ZC3H12B: variants seen among roughly 807,000 people sequenced by gnomAD.
The protein encoded by ZC3H12B is zinc finger CCCH-type containing 12B.
A neutral mutation model predicts 43.9 loss-of-function variants in ZC3H12B; 7 were observed. That is an observed-to-expected ratio of 0.16 (90% CI 0.09 to 0.30). The LOEUF (loss-of-function observed/expected upper bound fraction) is 0.30. Among genes scored for constraint, ZC3H12B ranks in the 10% least tolerant of loss-of-function variants. ZC3H12B has a pLI of 1.00. For synonymous variants in ZC3H12B, 222 were observed against 241.7 expected, an observed-to-expected ratio of 0.92 and a Z score of 0.76; for missense variants, 475 against 670.2, an observed-to-expected ratio of 0.71 and a Z score of 3.22.
At chrX:65,353,543 G>T in the ZC3H12B span, among the ~76,000 whole-genome samples, 4 of 112,114 alleles carry the variant, frequency 3.6e-5, no homozygotes, top group Admixed American at 9.4e-5. Flanking sequence ...GCAAAGGAAA[G>T]ATTTGAATAT....
At chrX:65,253,023 C>A in the ZC3H12B span, among the ~76,000 whole-genome samples, 15 of 112,020 alleles carry the variant, frequency 1.3e-4, no homozygotes, top group East Asian at 4.2e-3. Context: ...ATTTTTGTAG[C>A]AAGAAACTAA....
chrX:65,141,948 T>C, the ZC3H12B span, among the ~76,000 whole-genome samples: 1 of 112,201 alleles, frequency 8.9e-6, no homozygotes, highest in Admixed American at 9.5e-5. Context: ...GTTTTTGCAA[T>C]TGTGAATTGT....
intron 2 of ZC3H12B, among the ~76,000 whole-genome samples, chrX:65,397,507 A>G (rs1162905327): frequency 8.9e-6 from 1 of 111,773 alleles, no homozygotes; most frequent in South Asian, 3.7e-4. Flanking sequence ...TTCTTTAAAA[A>G]TATTGAATAT....
At chrX:65,143,541 C>G in the ZC3H12B span, among the ~76,000 whole-genome samples, 8 of 108,673 alleles carry the variant, frequency 7.4e-5, no homozygotes, top group South Asian at 3.3e-3. Flanking sequence ...GTGTGAAACC[C>G]ACTTGATCAT....
chrX:65,468,650 A>ATTTTTT (rs60716703), intron 3 of ZC3H12B, among the ~76,000 whole-genome samples: 2 of 74,938 alleles, frequency 2.7e-5, no homozygotes, highest in Admixed American at 1.5e-4. Flanking sequence ...TGCCCGGCTA[A>ATTTTTT]TTTTTTTTTT....
the ZC3H12B span, among the ~76,000 whole-genome samples, chrX:65,338,744 C>T: frequency 8.9e-6 from 1 of 112,207 alleles, no homozygotes; most frequent in Non-Finnish European, 1.9e-5. Flanking sequence ...ACCACATAAA[C>T]AGAACTAATA....
At chrX:65,154,073 A>C in the ZC3H12B span, among the ~76,000 whole-genome samples, 4 of 110,277 alleles carry the variant, frequency 3.6e-5, no homozygotes, top group South Asian at 3.9e-4. Flanking sequence ...CACTCTGGGG[A>C]CTGTTGTGGG....
At chrX:65,207,908 G>A in the ZC3H12B span, among the ~76,000 whole-genome samples, 1 of 16,921 alleles carries the variant, frequency 5.9e-5, no homozygotes, top group Non-Finnish European at 1.1e-4. Context: ...TTGTAAGTTG[G>A]ATTCCTAGGT....
chrX:65,161,699 G>A, the ZC3H12B span, among the ~76,000 whole-genome samples: 1 of 111,837 alleles, frequency 8.9e-6, no homozygotes, highest in Non-Finnish European at 1.9e-5. Flanking sequence ...ACACTGCTGG[G>A]TCTTGACTCT....
chrX:65,230,541 TA>T, the ZC3H12B span, among the ~76,000 whole-genome samples: 173 of 95,780 alleles, frequency 1.8e-3, no homozygotes, highest in African/African-American at 6.4e-3. Flanking sequence ...TGATATTAAT[TA>T]AAAAAAATAT....
At chrX:65,238,101 G>T in the ZC3H12B span, among the ~76,000 whole-genome samples, 1 of 111,163 alleles carries the variant, frequency 9.0e-6, no homozygotes, top group East Asian at 2.8e-4. Context: ...TCAATTTTTT[G>T]GAATAGATTT....
chrX:65,135,745 G>GTTT, the ZC3H12B span, among the ~76,000 whole-genome samples: 1 of 75,727 alleles, frequency 1.3e-5, no homozygotes, highest in African/African-American at 5.7e-5. Context: ...CTATTTGTTT[G>GTTT]TTTTCTTTTT....
chrX:65,251,975 G>A, the ZC3H12B span, among the ~76,000 whole-genome samples: 1 of 111,790 alleles, frequency 8.9e-6, no homozygotes, highest in Non-Finnish European at 1.9e-5. Flanking sequence ...ACACTATGTT[G>A]AATAGGAGTG....
the ZC3H12B span, among the ~76,000 whole-genome samples, chrX:65,119,616 A>G: frequency 9.0e-6 from 1 of 111,602 alleles, no homozygotes; most frequent in East Asian, 2.8e-4. Context: ...CCCTGATGAT[A>G]GTTTCTTTTG....
intron 1 of ZC3H12B, among the ~76,000 whole-genome samples, chrX:65,494,031 T>C (rs2068243377): frequency 9.0e-6 from 1 of 111,179 alleles, no homozygotes; most frequent in Middle Eastern, 4.2e-3. Flanking sequence ...GGCATACTTT[T>C]AATATATTTT....
the ZC3H12B span, among the ~76,000 whole-genome samples, chrX:65,138,566 A>G: frequency 2.7e-5 from 3 of 111,983 alleles, no homozygotes; most frequent in Non-Finnish European, 5.6e-5. Context: ...TCTTTGAGAT[A>G]CTGATTTTAT....
At chrX:65,205,426 A>C in the ZC3H12B span, among the ~76,000 whole-genome samples, 2 of 112,029 alleles carry the variant, frequency 1.8e-5, no homozygotes, top group South Asian at 7.4e-4. Flanking sequence ...AAAAACAAAA[A>C]TCTCATGATC....
the ZC3H12B span, among the ~76,000 whole-genome samples, chrX:65,219,493 A>G: frequency 9.0e-6 from 1 of 111,592 alleles, no homozygotes; most frequent in Non-Finnish European, 1.9e-5. Flanking sequence ...AAGGACACAC[A>G]TAGAGAATTG....
upstream of ZC3H12B, among the ~76,000 whole-genome samples, chrX:65,485,439 G>A (rs1292603175): frequency 8.9e-6 from 1 of 111,826 alleles, no homozygotes; most frequent in Non-Finnish European, 1.9e-5. Flanking sequence ...TTTTTTTGTA[G>A]AGACAAGGTT....
Sources: allele counts gnomAD v4.1 joint callset (sites outside exome capture counted in the v4.1 genomes callset), GRCh38; gene constraint gnomAD v4.1.1; transcripts MANE v1.5; gene names NCBI Gene and HGNC (gene_info 2026-07-23, HGNC 2026-07-21).